Variants in ARHGAP25 observed in about 807,000 individuals in gnomAD.
ARHGAP25 encodes the protein rho GTPase-activating protein 25.
In ARHGAP25, 34 loss-of-function variants were observed where a neutral mutation model predicts 71.0. The observed-to-expected ratio is 0.48, with a 90% CI of 0.36 to 0.64. The LOEUF is 0.64. ARHGAP25 is among the 30% of genes least tolerant of loss of function. The probability of loss-of-function intolerance (pLI) is 0.00; values close to 1 mark genes in which losing one functional copy is unlikely to be tolerated. For synonymous variants in ARHGAP25, 282 were observed against 296.5 expected, an observed-to-expected ratio of 0.95 and a Z score of 0.50; for missense variants, 706 against 805.1, an observed-to-expected ratio of 0.88 and a Z score of 1.49.
intron 1 of ARHGAP25, among the ~76,000 whole-genome samples, chr2:68,750,338 T>G (rs1227487322): frequency 8.2e-5 from 8 of 97,140 alleles, no homozygotes; most frequent in Non-Finnish European, 1.3e-4. Flanking sequence ...TTTTTTTTTT[T>G]TGAGATAGAG....
intron 2 of ARHGAP25, among the ~76,000 whole-genome samples, chr2:68,714,742 C>T (rs373807423): frequency 1.8e-4 from 28 of 152,064 alleles, no homozygotes; most frequent in African/African-American, 6.3e-4. Context: ...TCGTTATTTA[C>T]CCAGTAGTCA....
At chr2:68,801,054 C>T (rs1457902625) in intron 4 of ARHGAP25, among the ~76,000 whole-genome samples, 1 of 151,974 alleles carries the variant, frequency 6.6e-6, no homozygotes, top group Non-Finnish European at 1.5e-5. Context: ...GTTTCTGATT[C>T]CAAACTCCTC....
Position 68,807,397 on chromosome 2 carries a change from C to T in ARHGAP25, c.591C>T (p.Gly197=), listed in dbSNP as rs745584768. The change falls in exon 5 of 11, where the codon GGC becomes GGT. Residue 197 remains glycine, a synonymous_variant. Transcript: ENST00000409202. The stretch of plus-strand genomic sequence containing the variant: ...TGGAGCACGGCCGGAATGAAGAGGG[C>T]ATCTTCCGTCTGCCTGGGCAGGACA... ...FILEHGRNEE[G]IFRLPGQDNL... The T allele has an allele frequency of 1.2e-6, 2 of 1,614,248 alleles. No homozygotes were observed. The highest frequency in any genetic ancestry group is 1.7e-6 in the Non-Finnish European group (2 of 1,180,042).
intron 2 of ARHGAP25, 87 bp downstream of exon 2, chr2:68,775,507 C>A (rs915924762): frequency 8.1e-5 from 128 of 1,587,584 alleles, no homozygotes; most frequent in Non-Finnish European, 1.1e-4. Flanking sequence ...CTCACAGGGG[C>A]CTTCTCAATA....
chr2:68,784,778 C>T (rs886837687), intron 3 of ARHGAP25, among the ~76,000 whole-genome samples: 4 of 152,164 alleles, frequency 2.6e-5, no homozygotes, highest in African/African-American at 4.8e-5. Flanking sequence ...CCTGCATGCA[C>T]GTTACGTGGG....
At position 68,822,349 on chromosome 2, in the gene ARHGAP25, T is replaced by C. The variant is rs773539945; in HGVS notation, c.1210T>C (p.Ser404Pro). ...GCCATTTCTTTTCTAGACAAGCGACTCTGATACAACCAGCCCCACCGGACA... is the reference window on the plus strand; with the variant it reads ...GCCATTTCTTTTCTAGACAAGCGACCCTGATACAACCAGCCCCACCGGACA... ...TDSFSSMTSD[S>P]DTTSPTGQQP... The change falls in exon 10 of 11, where the codon TCT becomes CCT. Residue 404 changes from serine to proline, a missense_variant. By Grantham distance (74) the Ser-to-Pro change is moderately conservative. Transcript: ENST00000409202. 1.2e-6 allele frequency: 2 copies of C among 1,613,004 alleles called. No homozygotes were observed. The highest frequency in any genetic ancestry group is 2.2e-5 in the East Asian group (1 of 44,874).
intron 1 of ARHGAP25, among the ~76,000 whole-genome samples, chr2:68,772,890 G>A (rs1677578407): frequency 6.6e-6 from 1 of 152,200 alleles, no homozygotes; most frequent in African/African-American, 2.4e-5. Flanking sequence ...TTGTAAGCAA[G>A]CTACCAAATT....
At chr2:68,768,006 C>A (rs1427632725) in intron 1 of ARHGAP25, among the ~76,000 whole-genome samples, 1 of 152,192 alleles carries the variant, frequency 6.6e-6, no homozygotes, top group Admixed American at 6.5e-5. Context: ...GACATGGATT[C>A]CATCTCCAAT....
intron 1 of ARHGAP25, chr2:68,774,947 G>T (rs757277234): frequency 3.5e-6 from 5 of 1,412,734 alleles, no homozygotes; most frequent in Non-Finnish European, 3.7e-6. Flanking sequence ...GCAGAATGAC[G>T]GGGCCCGCCG....
chr2:68,750,566 C>T (rs889992775), intron 1 of ARHGAP25, among the ~76,000 whole-genome samples: 5 of 152,180 alleles, frequency 3.3e-5, no homozygotes, highest in Admixed American at 1.3e-4. Flanking sequence ...GGTGATCCTC[C>T]CGCCTCGGCC....
intron 5 of ARHGAP25, among the ~76,000 whole-genome samples, chr2:68,808,478 C>A (rs1398175729): frequency 6.6e-6 from 1 of 152,190 alleles, no homozygotes; most frequent in Non-Finnish European, 1.5e-5. Flanking sequence ...ATGTTTCTCT[C>A]CATGCTTATG....
Position 68,826,234 on chromosome 2 carries a change from C to G in ARHGAP25, c.*40C>G. 3.8e-6 allele frequency: 6 copies of G among 1,572,406 alleles called. No homozygotes were observed. The highest frequency in any genetic ancestry group is 5.3e-6 in the Non-Finnish European group (6 of 1,142,334). On this transcript the variant is annotated 3_prime_UTR_variant, in exon 11 of 11. Coordinates refer to ENST00000409202, the MANE Select transcript of ARHGAP25 (RefSeq NM_001007231.3). ...CTGCAGGGACAGCCCCAGAGAGGCCCAACTCTGGCCCCTTTCTCAGTGCTA... is the reference window on the plus strand; with the variant it reads ...CTGCAGGGACAGCCCCAGAGAGGCCGAACTCTGGCCCCTTTCTCAGTGCTA...
In ARHGAP25 at chr2:68,819,565, G is replaced by C. The variant is rs1441186182; in HGVS notation, c.1200+246G>C. 3 of 661,920 alleles carry C rather than the reference G, an allele frequency of 4.5e-6. No individual in the cohort carries two copies. The African/African-American group carries it at 5.3e-5, about 12-fold the overall frequency. 41.0% of individuals were successfully genotyped at this position (661,920 alleles called of 1,614,324 possible). A position where few individuals can be genotyped will look rare whatever the true frequency, so the allele number is the denominator to read the frequency against. ...CAATCACCCAGTGACTGAGCAATGA[G>C]GTCCTCACTGAAGCCCACTCTGAAA... is the stretch of plus-strand genomic sequence containing the variant. On this transcript the variant is annotated intron_variant, in intron 9 of 10. Coordinates refer to ENST00000409202, the MANE Select transcript of ARHGAP25 (RefSeq NM_001007231.3).
At chr2:68,800,646 A>T (rs1335496532) in intron 4 of ARHGAP25, among the ~76,000 whole-genome samples, 1 of 152,176 alleles carries the variant, frequency 6.6e-6, no homozygotes, top group Non-Finnish European at 1.5e-5. Context: ...TCTAAAGGGA[A>T]ATAAAGCACT....
At chr2:68,793,835 A>G (rs747451893) in intron 4 of ARHGAP25, among the ~76,000 whole-genome samples, 43 of 152,062 alleles carry the variant, frequency 2.8e-4, no homozygotes, top group Non-Finnish European at 5.3e-4. Context: ...TTTGATAGAA[A>G]TTGCATTGAA....
At chr2:68,750,919 T>C (rs943269405) in intron 1 of ARHGAP25, among the ~76,000 whole-genome samples, 2 of 152,238 alleles carry the variant, frequency 1.3e-5, no homozygotes, top group South Asian at 4.1e-4. Context: ...GAGGAGGCAC[T>C]AATAATAGTT....
At chr2:68,764,772 G>A (rs1015900269) in intron 1 of ARHGAP25, among the ~76,000 whole-genome samples, 5 of 152,070 alleles carry the variant, frequency 3.3e-5, no homozygotes, top group African/African-American at 4.8e-5. Flanking sequence ...GGCCCTTTCC[G>A]CTCCCTCTGG....
intron 1 of ARHGAP25, among the ~76,000 whole-genome samples, chr2:68,737,111 A>G (rs1026929561): frequency 6.6e-6 from 1 of 152,202 alleles, no homozygotes; most frequent in African/African-American, 2.4e-5. Flanking sequence ...TATCCATGCT[A>G]TCTATAAGTT....
Position 68,826,446 on chromosome 2 carries a change from C to T in ARHGAP25, c.*252C>T, listed in dbSNP as rs1486191161. 1.4e-5 allele frequency: 8 copies of T among 580,444 alleles called. No individual in the cohort carries two copies. Among genetic ancestry groups the T allele is most frequent in the Non-Finnish European group, 2.5e-5 (8 of 316,852 alleles). 36.0% of individuals were successfully genotyped at this position (580,444 alleles called of 1,614,324 possible). ...TGTTTTATTCCATTCTGGTCTCAGGCATGACCACGTCCAGTGAAGACATTT... is the reference window on the plus strand; with the variant it reads ...TGTTTTATTCCATTCTGGTCTCAGGTATGACCACGTCCAGTGAAGACATTT... On this transcript the variant is annotated 3_prime_UTR_variant, in exon 11 of 11. Transcript: ENST00000409202.
Sources: allele counts gnomAD v4.1 joint callset (sites outside exome capture counted in the v4.1 genomes callset), GRCh38; gene constraint gnomAD v4.1.1; transcripts MANE v1.5; gene names NCBI Gene and HGNC (gene_info 2026-07-23, HGNC 2026-07-21).